The following MPDZ variants were observed in gnomAD, a reference collection of about 807,000 sequenced individuals.
MPDZ encodes the protein multiple PDZ domain crumbs cell polarity complex component.
A neutral mutation model predicts 239.1 loss-of-function variants in MPDZ; 234 were observed. That is an observed-to-expected ratio of 0.98 (90% CI 0.88 to 1.09). The LOEUF (loss-of-function observed/expected upper bound fraction) is 1.09. Among genes scored for constraint, MPDZ ranks in the 50% least tolerant of loss-of-function variants. The pLI is 0.00. For synonymous variants in MPDZ, 1,048 were observed against 881.3 expected (o/e 1.19, Z -3.35); for missense variants, 3,175 against 2,510.0 (o/e 1.26, Z -5.66).
chr9:13,128,600 G>T (rs775884873), intron 32 of MPDZ, among the ~76,000 whole-genome samples: 2 of 152,158 alleles, frequency 1.3e-5, no homozygotes, highest in Non-Finnish European at 2.9e-5. Flanking sequence ...GAAGTTTGGT[G>T]GTAATTTGTT....
rs1941462758 is a variant in MPDZ, at chr9:13,106,323, G to A, written c.*642C>T. 1 of 152,048 alleles carries A rather than the reference G, an allele frequency of 6.6e-6. No individual in the cohort carries two copies. The highest frequency in any genetic ancestry group is 6.6e-5 in the Admixed American group (1 of 15,262). 9.4% of individuals were successfully genotyped at this position (152,048 alleles called of 1,614,324 possible). A position where few individuals can be genotyped will look rare whatever the true frequency, so the allele number is the denominator to read the frequency against. ...ATATAATTTCTTTATAAAATTTAGG[G>A]ACATTGCTTCATGTATTTGCCATTT... On this transcript the variant is annotated 3_prime_UTR_variant, in exon 47 of 47. Coordinates refer to ENST00000319217, the MANE Select transcript of MPDZ (RefSeq NM_001378778.1).
intron 32 of MPDZ, among the ~76,000 whole-genome samples, chr9:13,129,704 T>C (rs1287541141): frequency 1.6e-4 from 24 of 152,160 alleles, no homozygotes; most frequent in South Asian, 2.1e-4. Flanking sequence ...TAAGGAAATA[T>C]ATTTTTGTGG....
intron 3 of MPDZ, among the ~76,000 whole-genome samples, chr9:13,234,722 T>G (rs1293733607): frequency 6.6e-6 from 1 of 152,184 alleles, no homozygotes; most frequent in Non-Finnish European, 1.5e-5. Flanking sequence ...CCCATATTTT[T>G]TGTTTATTTG....
At chr9:13,112,976 G>A (rs370721108) in intron 42 of MPDZ, 35 bp downstream of exon 42, 6 of 1,550,658 alleles carry the variant, frequency 3.9e-6, no homozygotes, top group South Asian at 2.4e-5. Flanking sequence ...CTCTTAAAAC[G>A]CCAGGGTTTA....
chr9:13,229,863 T>C (rs1183362635), intron 3 of MPDZ, among the ~76,000 whole-genome samples: 2 of 152,122 alleles, frequency 1.3e-5, no homozygotes, highest in Non-Finnish European at 2.9e-5. Flanking sequence ...AAAGTTGAAG[T>C]GTTTTAAGTT....
chr9:13,113,969 G>A lies in MPDZ; in HGVS notation c.5519C>T (p.Thr1840Ile), dbSNP rs750666550. Reference sequence around the variant, plus strand: ...TGAGCTACTTTCCAGTGACTCAGATGTACTGGATCCAGAGAGTGGAAAAGT... The same window carrying A: ...TGAGCTACTTTCCAGTGACTCAGATATACTGGATCCAGAGAGTGGAAAAGT... ...SFTFPLSGSSTSESLESSSKK... is the reference protein window; with the variant it reads ...SFTFPLSGSSISESLESSSKK... The change falls in exon 41 of 47, where the codon ACA becomes ATA. Residue 1840 changes from threonine (T) to isoleucine (I), a missense_variant. Thr to Ile is a moderately conservative substitution (Grantham distance 89, BLOSUM62 -1). Coordinates refer to ENST00000319217, the MANE Select transcript of MPDZ (RefSeq NM_001378778.1). 7.5e-6 allele frequency: 12 copies of A among 1,598,576 alleles called. No individual in the cohort carries two copies. Among genetic ancestry groups the A allele is most frequent in the East Asian group, 2.2e-5 (1 of 44,592 alleles).
At chr9:13,120,514 A>G (rs1586942944) in intron 38 of MPDZ, 1 of 152,134 alleles carries the variant, frequency 6.6e-6, no homozygotes, top group South Asian at 2.1e-4. Flanking sequence ...TAGCCATGTT[A>G]CCCATGTCAT....
At chr9:13,237,232 CAG>C (rs1464298550) in intron 3 of MPDZ, among the ~76,000 whole-genome samples, 2 of 151,386 alleles carry the variant, frequency 1.3e-5, no homozygotes, top group East Asian at 3.9e-4. Context: ...TGCTTGAGTC[CAG>C]GAGTTCGAGA....
At chr9:13,198,784 T>TGTGTGTGTGTGTGTGTGTGTGTGTGTGTG (rs1491106957) in intron 12 of MPDZ, among the ~76,000 whole-genome samples, 21 of 149,204 alleles carry the variant, frequency 1.4e-4, no homozygotes, top group East Asian at 2.0e-4. Context: ...TGTGTGTGTG[T>TGTGTGTGTGTGTGTGTGTGTGTGTGTGTG]TTTAGGACAG....
intron 10 of MPDZ, among the ~76,000 whole-genome samples, chr9:13,213,906 A>G (rs1056489553): frequency 2.6e-5 from 4 of 152,082 alleles, no homozygotes; most frequent in Admixed American, 6.6e-5. Flanking sequence ...GCTATCAGAT[A>G]TCTGCTATCA....
intron 3 of MPDZ, among the ~76,000 whole-genome samples, chr9:13,236,083 C>T (rs1963859438): frequency 6.7e-6 from 1 of 150,152 alleles, no homozygotes; most frequent in Non-Finnish European, 1.5e-5. Flanking sequence ...TTATTCAAAC[C>T]TGCAAAGATC....
rs1035329981 is a variant in MPDZ, at chr9:13,192,172, A to G, written c.1927T>C (p.Leu643=). The change falls in exon 15 of 47, where the codon TTG becomes CTG. Residue 643 remains leucine, a synonymous_variant. Coordinates refer to ENST00000319217, the MANE Select transcript of MPDZ (RefSeq NM_001378778.1). ...ATATCACATAAGTCCAGGCTATCCA[A>G]TTCTGATTGGGTGGTGGGTGGCACA... is the stretch of plus-strand genomic sequence containing the variant. ...RTVPPTTQSE[L]DSLDLCDIEL... is the part of the protein sequence containing the mutation. The G allele has an allele frequency of 1.2e-6, 2 of 1,610,672 alleles. No homozygotes were observed. Among genetic ancestry groups the G allele is most frequent in the African/African-American group, 1.3e-5 (1 of 74,840 alleles).
At position 13,179,944 on chromosome 9, in the gene MPDZ, T is replaced by C. The variant is rs150601760; in HGVS notation, c.2649+3474A>G. On this transcript the variant is annotated intron_variant, in intron 19 of 46. Coordinates refer to ENST00000319217, the MANE Select transcript of MPDZ (RefSeq NM_001378778.1). ...CCTTATTATACATTTAAAAAATAGA[T>C]TGCAACCAAAGCTGCTCCAACTGTC... Among the ~76,000 whole-genome samples the C allele has an allele frequency of 5.8e-3, 878 of 152,204 alleles. 12 individuals carry two copies. Among genetic ancestry groups the C allele is most frequent in the African/African-American group, 0.02 (841 of 41,540 alleles).
At chr9:13,240,819 A>G (rs930264350) in intron 3 of MPDZ, among the ~76,000 whole-genome samples, 2 of 152,084 alleles carry the variant, frequency 1.3e-5, no homozygotes, top group African/African-American at 4.8e-5. Flanking sequence ...TGTAGCTTCA[A>G]GTGAAAAATA....
At position 13,247,755 on chromosome 9, in the gene MPDZ, C is replaced by A. The variant is rs751450594; in HGVS notation, c.63G>T (p.Leu21=). 6.2e-7 allele frequency: 1 copy of A among 1,612,788 alleles called. No homozygotes were observed. Among genetic ancestry groups the A allele is most frequent in the South Asian group, 1.1e-5 (1 of 91,020 alleles). The stretch of plus-strand genomic sequence containing the variant: ...CATTTGCTACATCCCCACGTTCTCG[C>A]AGCTTGGTTTGCAAGCGCTCTGCTG... The part of the protein sequence containing the change: ...LHAAERLQTK[L]RERGDVANED... The change falls in exon 3 of 47, where the codon CTG becomes CTT. Residue 21 remains leucine (L), a synonymous_variant. Transcript: ENST00000319217.
At chr9:13,140,209 G>C in intron 27 of MPDZ, 60 bp from the exon 28 acceptor site, 2 of 1,530,320 alleles carry the variant, frequency 1.3e-6, no homozygotes, top group South Asian at 1.2e-5. Flanking sequence ...ACTTCAAGAA[G>C]AAGAAATAAG....
intron 21 of MPDZ, among the ~76,000 whole-genome samples, chr9:13,173,627 C>T (rs1321794221): frequency 6.6e-6 from 1 of 151,710 alleles, no homozygotes; most frequent in African/African-American, 2.4e-5. Context: ...ATTGCTTGAA[C>T]TCAGGAGACG....
chr9:13,123,124 G>A (rs1944607387), intron 36 of MPDZ, 29 bp downstream of exon 36: 1 of 1,597,498 alleles, frequency 6.3e-7, no homozygotes, highest in Non-Finnish European at 8.5e-7. Context: ...AGGACGGCCT[G>A]TACAGAAGCA....
intron 1 of MPDZ, among the ~76,000 whole-genome samples, chr9:13,257,477 A>G (rs2138491150): frequency 1.3e-5 from 2 of 152,294 alleles, no homozygotes; most frequent in South Asian, 4.1e-4. Context: ...TCTCACAAAA[A>G]TCACACGGTG....
Sources: gnomAD v4.1 joint callset for allele counts (sites outside exome capture counted in the v4.1 genomes callset) on GRCh38, gnomAD v4.1.1 for gene constraint, MANE v1.5 for transcripts, NCBI Gene and HGNC (gene_info 2026-07-23, HGNC 2026-07-21) for gene names.